PCDHGA4: variants seen among roughly 807,000 people sequenced by gnomAD.
PCDHGA4 encodes the protein protocadherin gamma-A4.
A neutral mutation model predicts 54.6 loss-of-function variants in PCDHGA4; 38 were observed. The ratio of observed to expected loss-of-function variants is 0.70; its 90% confidence interval spans 0.54 to 0.91. PCDHGA4 has a LOEUF of 0.91. Among genes scored for constraint, PCDHGA4 ranks in the 40% least tolerant of loss-of-function variants. The pLI is 0.00. For synonymous variants in PCDHGA4, 511 were observed against 512.9 expected (o/e 1.00, Z 0.05); for missense variants, 1,298 against 1,220.9 (o/e 1.06, Z -0.94).
rs768985461 is a variant in PCDHGA4, at chr5:141,403,714, C to T, written c.2514+46093C>T. ...TTTACCGAGTTAAAGTCCTTGAGAA[C>T]GTGCCCCCAGGCACCTGGCTGCTTA... On this transcript the variant is annotated intron_variant, in intron 1 of 3. Transcript: ENST00000571252. 10 of 1,613,792 alleles carry T rather than the reference C, an allele frequency of 6.2e-6. No homozygotes were observed. In the South Asian group the frequency reaches 6.6e-5, roughly 11 times the overall value.
At chr5:141,389,465 A>G (rs1485260449) in intron 1 of PCDHGA4, 2 of 1,613,184 alleles carry the variant, frequency 1.2e-6, no homozygotes, top group Admixed American at 1.7e-5. Context: ...GCGCCTTCGA[A>G]CTCACACTGC....
chr5:141,362,701 T>G (rs1762639464), intron 1 of PCDHGA4: 1 of 1,035,142 alleles, frequency 9.7e-7, no homozygotes, highest in African/African-American at 1.6e-5. Flanking sequence ...TAACTGAATT[T>G]TAAGTGTTTT....
intron 1 of PCDHGA4, chr5:141,362,490 C>T: frequency 6.2e-7 from 1 of 1,614,048 alleles, no homozygotes; most frequent in Non-Finnish European, 8.5e-7. Flanking sequence ...GTGACAATGC[C>T]TCTTGGGAAC....
At chr5:141,364,372 G>A in intron 1 of PCDHGA4, 1 of 1,572,570 alleles carries the variant, frequency 6.4e-7, no homozygotes, top group African/African-American at 1.4e-5. Flanking sequence ...GAGAGCTGCT[G>A]CTGCCCTTCA....
chr5:141,433,802 A>G (rs2097651656), intron 1 of PCDHGA4, among the ~76,000 whole-genome samples: 1 of 149,280 alleles, frequency 6.7e-6, no homozygotes, highest in Non-Finnish European at 1.5e-5. Flanking sequence ...GTGCCATTGC[A>G]CTCCAGCCTG....
chr5:141,417,414 A>G (rs1255289735), intron 1 of PCDHGA4: 1 of 157,986 alleles, frequency 6.3e-6, no homozygotes, highest in Non-Finnish European at 1.4e-5. Flanking sequence ...TTCAAGATAT[A>G]TGTAAATTCA....
chr5:141,409,226 G>A (rs753236012), intron 1 of PCDHGA4: 1 of 1,613,862 alleles, frequency 6.2e-7, no homozygotes, highest in African/African-American at 1.3e-5. Flanking sequence ...TGATGAAAAC[G>A]ACAACAGCCC....
intron 1 of PCDHGA4, among the ~76,000 whole-genome samples, chr5:141,462,763 G>A (rs935087747): frequency 2.6e-5 from 4 of 152,036 alleles, no homozygotes; most frequent in Non-Finnish European, 4.4e-5. Context: ...TTTTCTTCCT[G>A]GCTTGGGGTC....
intron 1 of PCDHGA4, among the ~76,000 whole-genome samples, chr5:141,397,615 C>A (rs2093545668): frequency 6.6e-6 from 1 of 152,144 alleles, no homozygotes; most frequent in Admixed American, 6.5e-5. Context: ...AAGGGCAATA[C>A]TTAGTTCTAG....
At chr5:141,399,911 G>T in intron 1 of PCDHGA4, 1 of 1,612,384 alleles carries the variant, frequency 6.2e-7, no homozygotes. Flanking sequence ...GCAGACTCAG[G>T]ACACAACGCC....
At chr5:141,435,863 C>T (rs772361494) in intron 1 of PCDHGA4, among the ~76,000 whole-genome samples, 16 of 151,882 alleles carry the variant, frequency 1.1e-4, no homozygotes, top group Non-Finnish European at 2.2e-4. Context: ...TAGTTAAAAC[C>T]CAGAAAAGAG....
intron 1 of PCDHGA4, chr5:141,417,227 T>G (rs2096097098): frequency 6.6e-6 from 1 of 152,172 alleles, no homozygotes; most frequent in South Asian, 2.1e-4. Flanking sequence ...ACAAAAAAAT[T>G]TGTTGCTTAT....
chr5:141,385,919 T>C (rs912267518), intron 1 of PCDHGA4: 9 of 152,446 alleles, frequency 5.9e-5, no homozygotes, highest in African/African-American at 1.7e-4. Flanking sequence ...CACTAAGATC[T>C]ATATCAAAGA....
At chr5:141,399,289 T>C (rs755445485) in intron 1 of PCDHGA4, 1 of 1,613,918 alleles carries the variant, frequency 6.2e-7, no homozygotes, top group Admixed American at 1.7e-5. Context: ...CGAAGTCCCT[T>C]TTAAGATTAT....
chr5:141,370,908 C>T (rs372602970), intron 1 of PCDHGA4: 1 of 1,614,028 alleles, frequency 6.2e-7, no homozygotes, highest in East Asian at 2.2e-5. Flanking sequence ...GCAGTACTAC[C>T]TCAGCCCTGA....
Position 141,489,068 on chromosome 5 carries a change from G to GC in PCDHGA4, c.2515-5736dup. ...CTCAAATTCAGCTCCCCTCCCCCCT[G>GC]CCCACCCCCGCCACTCGGTGACTAA... On this transcript the variant is annotated intron_variant, in intron 1 of 3. Transcript: ENST00000571252. The surrounding 1 kb of genome is among the most constrained non-coding windows in gnomAD (Gnocchi z 4.5). 3 of 291,558 alleles carry GC rather than the reference G, an allele frequency of 1.0e-5. No homozygotes were observed. Among genetic ancestry groups the GC allele is most frequent in the Admixed American group, 5.4e-5 (1 of 18,530 alleles). 18.1% of individuals were successfully genotyped at this position (291,558 alleles called of 1,614,324 possible).
intron 1 of PCDHGA4, chr5:141,376,544 G>C: frequency 6.2e-7 from 1 of 1,612,818 alleles, no homozygotes; most frequent in South Asian, 1.1e-5. Context: ...AGAGTAATCT[G>C]ATCTTCCCGC....
chr5:141,422,975 C>T (rs751065595), intron 1 of PCDHGA4: 130 of 1,614,092 alleles, frequency 8.1e-5, no homozygotes, highest in Non-Finnish European at 1.0e-4. Context: ...CCCCGCTCTG[C>T]GGAACCTGGC....
intron 1 of PCDHGA4, among the ~76,000 whole-genome samples, chr5:141,454,261 A>T (rs183133499): frequency 1.3e-5 from 2 of 152,364 alleles, no homozygotes; most frequent in South Asian, 2.1e-4. Flanking sequence ...CAGAGAAAGT[A>T]ATGCCAGCAA....
Sources: allele counts gnomAD v4.1 joint callset (sites outside exome capture counted in the v4.1 genomes callset), GRCh38; gene constraint gnomAD v4.1.1; non-coding constraint Gnocchi (gnomAD v3.1); transcripts MANE v1.5; gene names NCBI Gene and HGNC (gene_info 2026-07-23, HGNC 2026-07-21).